Variants in ENTPD1 observed in about 807,000 individuals in gnomAD.
ENTPD1 encodes the protein ectonucleoside triphosphate diphosphohydrolase 1, also known as ATP diphosphohydrolase.
ENTPD1 carries 33 observed loss-of-function variants against 57.0 expected under a neutral mutation model. The ratio of observed to expected loss-of-function variants is 0.58; its 90% CI spans 0.44 to 0.77. The LOEUF is 0.77. Among genes scored for constraint, ENTPD1 ranks in the 30% least tolerant of loss-of-function variants. The pLI, the probability that ENTPD1 is intolerant of heterozygous loss-of-function variation, is 0.00. For synonymous variants in ENTPD1, 202 were observed against 218.8 expected (o/e 0.92, Z 0.68); for missense variants, 501 against 603.4 (o/e 0.83, Z 1.78).
At chr10:95,840,228 C>T (rs2098419689) in intron 3 of ENTPD1, among the ~76,000 whole-genome samples, 1 of 152,178 alleles carries the variant, frequency 6.6e-6, no homozygotes, top group Non-Finnish European at 1.5e-5. Context: ...CGGTTCAAAC[C>T]AAGTTCTGCC....
intron 7 of ENTPD1, among the ~76,000 whole-genome samples, chr10:95,854,915 T>C (rs1473158576): frequency 1.3e-5 from 2 of 152,218 alleles, no homozygotes; most frequent in African/African-American, 4.8e-5. Flanking sequence ...TTCTGTTGAT[T>C]AGGGGTGGAG....
At chr10:95,857,707 ACGGAGCACTCACATATGC>A (rs1449251815) in intron 7 of ENTPD1, among the ~76,000 whole-genome samples, 1 of 152,228 alleles carries the variant, frequency 6.6e-6, no homozygotes, top group African/African-American at 2.4e-5. Flanking sequence ...CCACTTATTT[ACGGAGCACTCACATATGC>A]CAAGTGCCAT....
Position 95,715,478 on chromosome 10 carries a change from G to GT in ENTPD1, c.37+3496dup, listed in dbSNP as rs557244560. ...TTTAGGCAACATGTAGTTAGATCTT[G>GT]TTTTTTTTTTTAATACATCCTGACA... On this transcript the variant is annotated intron_variant, in intron 1 of 9. Coordinates refer to the ENTPD1 transcript ENST00000453258. Among the ~76,000 whole-genome samples, 141 of 139,442 alleles carry GT rather than the reference G, an allele frequency of 1.0e-3. 1 individual carries two copies. Among genetic ancestry groups the GT allele is most frequent in the African/African-American group, 1.8e-3 (68 of 38,386 alleles). 91.5% of individuals were successfully genotyped at this position (139,442 alleles called of 152,430 possible).
intron 1 of ENTPD1, among the ~76,000 whole-genome samples, chr10:95,712,491 T>A (rs2097966724): frequency 6.6e-6 from 1 of 152,186 alleles, no homozygotes; most frequent in Non-Finnish European, 1.5e-5. Context: ...TCACATTAGG[T>A]GACCAGTCTA....
In ENTPD1 at chr10:95,876,408, G is replaced by A. The variant is rs1225097303; in HGVS notation, c.*10025G>A. The A allele has an allele frequency of 1.6e-6, 2 of 1,231,184 alleles. No individual in the cohort carries two copies. Among genetic ancestry groups the A allele is most frequent in the East Asian group, 3.2e-5 (1 of 31,644 alleles). 76.3% of individuals were successfully genotyped at this position (1,231,184 alleles called of 1,614,324 possible). ...GTTTTTCTTGATGGTAAATCATAAT[G>A]TTCCCTTTCTCCTCGGTTCTGCAAT... is the stretch of plus-strand genomic sequence containing the variant. On this transcript the variant is annotated 3_prime_UTR_variant, in exon 10 of 10. Coordinates refer to ENST00000371205, the MANE Select transcript of ENTPD1 (RefSeq NM_001776.6).
chr10:95,836,276 T>C (rs977692049), intron 2 of ENTPD1, among the ~76,000 whole-genome samples: 7 of 152,224 alleles, frequency 4.6e-5, no homozygotes, highest in African/African-American at 1.7e-4. Context: ...TTATCCTTTT[T>C]GCTTAGGATT....
At chr10:95,737,477 T>C (rs994360208) in intron 1 of ENTPD1, among the ~76,000 whole-genome samples, 1 of 152,014 alleles carries the variant, frequency 6.6e-6, no homozygotes. Flanking sequence ...CTCTGCTTCC[T>C]GGGTTTGAGC....
the ENTPD1 span, among the ~76,000 whole-genome samples, chr10:95,696,969 A>G: frequency 2.0e-5 from 3 of 152,260 alleles, no homozygotes; most frequent in African/African-American, 7.2e-5. Flanking sequence ...ACACTTGTGC[A>G]TACATGAACA....
At chr10:95,780,737 G>T (rs1484385753) in intron 1 of ENTPD1, among the ~76,000 whole-genome samples, 5 of 152,176 alleles carry the variant, frequency 3.3e-5, no homozygotes, top group African/African-American at 1.2e-4. Flanking sequence ...TCCTAGGTGT[G>T]GGGTCCAGCT....
chr10:95,728,535 C>G (rs2097986022), intron 1 of ENTPD1, among the ~76,000 whole-genome samples: 4 of 152,176 alleles, frequency 2.6e-5, no homozygotes, highest in Admixed American at 2.6e-4. Context: ...GTTGGGAGCA[C>G]TTCCAGCATC....
intron 1 of ENTPD1, 34 bp downstream of exon 1, chr10:95,756,289 AG>A: frequency 6.4e-7 from 1 of 1,555,258 alleles, no homozygotes. Context: ...TGAATCCTTA[AG>A]AAAAAAAAAA....
intron 1 of ENTPD1, among the ~76,000 whole-genome samples, chr10:95,726,956 C>T (rs192360571): frequency 1.3e-5 from 2 of 152,300 alleles, no homozygotes; most frequent in East Asian, 1.9e-4. Flanking sequence ...GTCACTGGCT[C>T]ACTGCCATCT....
At chr10:95,782,334 T>C (rs1282747834) in intron 1 of ENTPD1, among the ~76,000 whole-genome samples, 2 of 152,214 alleles carry the variant, frequency 1.3e-5, no homozygotes, top group African/African-American at 4.8e-5. Context: ...AATCACTTTA[T>C]GGGTAGTATA....
At chr10:95,860,362 C>A in intron 7 of ENTPD1, 107 bp from the exon 8 acceptor site, 1 of 865,806 alleles carries the variant, frequency 1.2e-6, no homozygotes, top group Non-Finnish European at 1.9e-6. Context: ...TGTTAATTTA[C>A]TCAGCAGAAC....
intron 1 of ENTPD1, among the ~76,000 whole-genome samples, chr10:95,767,421 A>G (rs1216908150): frequency 6.6e-6 from 1 of 151,568 alleles, no homozygotes; most frequent in Non-Finnish European, 1.5e-5. Flanking sequence ...CCATTATGAG[A>G]GAAGGATTAA....
chr10:95,803,106 A>C (rs2098257235), intron 1 of ENTPD1, among the ~76,000 whole-genome samples: 1 of 152,234 alleles, frequency 6.6e-6, no homozygotes, highest in Admixed American at 6.5e-5. Flanking sequence ...TCTCAATGGT[A>C]GCTTAATAGG....
intron 1 of ENTPD1, among the ~76,000 whole-genome samples, chr10:95,815,661 C>T (rs536077775): frequency 2.0e-4 from 31 of 152,264 alleles, no homozygotes; most frequent in African/African-American, 6.3e-4. Flanking sequence ...GCCCTGTTAC[C>T]GGTGGCAGCT....
intron 1 of ENTPD1, among the ~76,000 whole-genome samples, chr10:95,720,083 A>AG (rs2097975868): frequency 1.3e-5 from 2 of 152,214 alleles, no homozygotes; most frequent in Admixed American, 1.3e-4. Flanking sequence ...GGAGTATTGC[A>AG]GGGGCTATTG....
At chr10:95,844,889 T>G in intron 5 of ENTPD1, 1 of 562,012 alleles carries the variant, frequency 1.8e-6, no homozygotes, top group East Asian at 3.3e-5. Context: ...AATTAAAAAT[T>G]TATCATTAAA....
Sources: gnomAD v4.1 joint callset for allele counts (sites outside exome capture counted in the v4.1 genomes callset) on GRCh38, gnomAD v4.1.1 for gene constraint, MANE v1.5 for transcripts, NCBI Gene and HGNC (gene_info 2026-07-23, HGNC 2026-07-21) for gene names.